The following MILR1 variants were observed in gnomAD, a reference collection of about 807,000 sequenced individuals.
MILR1 encodes allergin-1.
MILR1 carries 31 observed loss-of-function variants against 18.5 expected under a neutral mutation model. That is an observed-to-expected ratio of 1.68 (90% CI 1.26 to 2.26). The LOEUF is 2.26. Ranked by LOEUF, MILR1 falls within the 30% of genes most tolerant of loss-of-function variation. MILR1 has a pLI of 0.00. For missense variants in MILR1, 257 were observed against 157.4 expected (o/e 1.63, Z -3.38); for synonymous variants, 85 against 56.2 (o/e 1.51, Z -2.30).
the MILR1 span, chr17:64,496,473 G>C: frequency 1.2e-4 from 185 of 1,608,454 alleles, 1 homozygote; most frequent in Middle Eastern, 4.9e-4. Flanking sequence ...GCTACTAGCT[G>C]TTCCTTACTC....
chr17:64,495,570 C>G, the MILR1 span, among the ~76,000 whole-genome samples: 1 of 152,120 alleles, frequency 6.6e-6, no homozygotes, highest in African/African-American at 2.4e-5. Context: ...GAGTGAGACC[C>G]ATATTCAATT....
the MILR1 span, chr17:64,496,460 A>T: frequency 6.3e-7 from 1 of 1,597,052 alleles, no homozygotes; most frequent in Non-Finnish European, 8.6e-7. Context: ...GTTCTCAAGA[A>T]ATGCTACTAG....
the MILR1 span, among the ~76,000 whole-genome samples, chr17:64,495,051 T>C: frequency 2.0e-5 from 3 of 151,856 alleles, no homozygotes; most frequent in East Asian, 5.8e-4. Flanking sequence ...CAAGTGCCTG[T>C]AGTCTAGTCC....
At chr17:64,466,354 A>G (rs900806961) in intron 6 of MILR1, 88 bp from the exon 7 acceptor site, 108 of 1,103,950 alleles carry the variant, frequency 9.8e-5, no homozygotes, top group Non-Finnish European at 1.4e-4. Flanking sequence ...CTACATGGCC[A>G]CATTCCAGAC....
At chr17:64,495,573 A>G in the MILR1 span, among the ~76,000 whole-genome samples, 1 of 152,184 alleles carries the variant, frequency 6.6e-6, no homozygotes, top group Non-Finnish European at 1.5e-5. Flanking sequence ...TGAGACCCAT[A>G]TTCAATTTTA....
intron 4 of MILR1, among the ~76,000 whole-genome samples, chr17:64,458,622 G>A (rs1246424652): frequency 6.6e-6 from 1 of 151,930 alleles, no homozygotes; most frequent in Admixed American, 6.6e-5. Context: ...GGGCAAGAGA[G>A]GCCTCTGGCC....
At chr17:64,493,491 TC>T in the MILR1 span, among the ~76,000 whole-genome samples, 3 of 152,070 alleles carry the variant, frequency 2.0e-5, no homozygotes, top group Non-Finnish European at 4.4e-5. Context: ...TTGAAGATTT[TC>T]TTTTTTTTTT....
intron 5 of MILR1, among the ~76,000 whole-genome samples, chr17:64,463,401 T>C (rs2037475174): frequency 6.6e-6 from 1 of 152,156 alleles, no homozygotes; most frequent in African/African-American, 2.4e-5. Flanking sequence ...CAGAAGGATA[T>C]GAAGATTTAC....
chr17:64,491,492 AGAGT>A, the MILR1 span: 1 of 1,385,102 alleles, frequency 7.2e-7, no homozygotes, highest in Admixed American at 1.7e-5. Context: ...CCCGGGCAAA[AGAGT>A]GAGACTATGT....
the MILR1 span, among the ~76,000 whole-genome samples, chr17:64,492,410 T>G: frequency 6.6e-6 from 1 of 152,198 alleles, no homozygotes; most frequent in Non-Finnish European, 1.5e-5. Context: ...CAGCCAGGAA[T>G]GCTAGGTGAG....
At chr17:64,494,978 C>T in the MILR1 span, among the ~76,000 whole-genome samples, 2 of 150,678 alleles carry the variant, frequency 1.3e-5, no homozygotes, top group African/African-American at 2.4e-5. Context: ...TAGAGACCAT[C>T]CTGGCTAACA....
the MILR1 span, among the ~76,000 whole-genome samples, chr17:64,478,881 C>G: frequency 1.3e-5 from 2 of 151,912 alleles, no homozygotes; most frequent in Non-Finnish European, 2.9e-5. Context: ...GGCGACAGTG[C>G]GAGACTCTGT....
the MILR1 span, chr17:64,477,694 TA>T: frequency 1.9e-6 from 2 of 1,053,184 alleles, no homozygotes; most frequent in African/African-American, 1.6e-5. Context: ...ATAAAAAATA[TA>T]AACACTGAAT....
In MILR1 at chr17:64,468,639, A is replaced by T. The variant is rs1206228734; in HGVS notation, c.*358A>T. The T allele has an allele frequency of 1.8e-6, 2 of 1,127,116 alleles. No individual in the cohort carries two copies. Among genetic ancestry groups the T allele is most frequent in the Non-Finnish European group, 2.2e-6 (2 of 913,818 alleles). The allele number at this position is 1,127,116 out of a possible 1,614,324, so 69.8% of individuals were successfully genotyped here. A position where few individuals can be genotyped will look rare whatever the true frequency, so the allele number is the denominator to read the frequency against. ...TCTCCAAGAATAAATTCATCCGAAC[A>T]TGCATCCTTCTCTGAGCCTTCTGAC... On this transcript the variant is annotated 3_prime_UTR_variant, in exon 10 of 10. Transcript: ENST00000619286.
At chr17:64,492,914 T>G in the MILR1 span, 1 of 1,614,160 alleles carries the variant, frequency 6.2e-7, no homozygotes, top group Non-Finnish European at 8.5e-7. Flanking sequence ...CCATTTCGTA[T>G]CTGCTTAGTG....
In MILR1 at chr17:64,465,515, A is replaced by G. The variant is rs372407288; in HGVS notation, c.827A>G (p.Tyr276Cys). 2 of 1,610,082 alleles carry G rather than the reference A, an allele frequency of 1.2e-6. No homozygotes were observed. The highest frequency in any genetic ancestry group is 1.7e-6 in the Non-Finnish European group (2 of 1,178,400). The change falls in exon 6 of 10, where the codon TAT (tyrosine) becomes TGT (cysteine). Residue 276 changes from tyrosine to cysteine, a missense_variant. Physicochemically the swap from Tyr to Cys is radical, Grantham distance 194 (BLOSUM62 -2). Transcript: ENST00000619286. ...RGDTAMEVGI[Y>C]ANILEKQAKE... ...GACACAGCCATGGAAGTTGGAATCT[A>G]TGCAAATATCCTTGAAAAACAAGCA...
At chr17:64,490,169 C>T in the MILR1 span, among the ~76,000 whole-genome samples, 5 of 152,174 alleles carry the variant, frequency 3.3e-5, no homozygotes, top group African/African-American at 1.2e-4. Context: ...ATGATCCTCC[C>T]ACTTCGGCCT....
At chr17:64,490,312 C>T in the MILR1 span, among the ~76,000 whole-genome samples, 3 of 152,132 alleles carry the variant, frequency 2.0e-5, no homozygotes, top group Non-Finnish European at 4.4e-5. Context: ...GTTAACATCA[C>T]CAGTAACACT....
At chr17:64,495,861 G>A in the MILR1 span, among the ~76,000 whole-genome samples, 31 of 151,984 alleles carry the variant, frequency 2.0e-4, no homozygotes, top group South Asian at 6.0e-3. Context: ...GGCGCTCGCC[G>A]TCACGGCCGG....
Sources: gnomAD v4.1 joint callset for allele counts (sites outside exome capture counted in the v4.1 genomes callset) on GRCh38, gnomAD v4.1.1 for gene constraint, MANE v1.5 for transcripts, NCBI Gene and HGNC (gene_info 2026-07-23, HGNC 2026-07-21) for gene names.